Variants in LRRC7 observed in about 807,000 individuals in gnomAD.
LRRC7 encodes leucine rich repeat containing 7, also known as leucine-rich repeat-containing protein 7.
LRRC7 carries 23 observed loss-of-function variants against 175.7 expected under a neutral mutation model. The observed-to-expected ratio is 0.13, with a 90% CI of 0.09 to 0.19. LRRC7 has a LOEUF of 0.19. LRRC7 is among the 10% of genes least tolerant of loss of function. The pLI, the probability that LRRC7 is intolerant of heterozygous loss-of-function variation, is 1.00. For synonymous variants in LRRC7, 685 were observed against 680.9 expected (o/e 1.01, Z -0.09); for missense variants, 1,354 against 1,904.7 (o/e 0.71, Z 5.38).
At chr1:69,645,439 G>T (rs939096145) in intron 1 of LRRC7, among the ~76,000 whole-genome samples, 13 of 151,958 alleles carry the variant, frequency 8.6e-5, no homozygotes, top group African/African-American at 3.1e-4. Flanking sequence ...TTCATTTTGT[G>T]TGTTCTTTAT....
chr1:69,911,678 A>G (rs867238881), intron 7 of LRRC7, among the ~76,000 whole-genome samples: 1 of 152,186 alleles, frequency 6.6e-6, no homozygotes, highest in Non-Finnish European at 1.5e-5. Context: ...TGATGACTAT[A>G]TGACATTTCT....
Position 69,767,385 on chromosome 1 carries a change from T to A in LRRC7, c.303+6992T>A, listed in dbSNP as rs563402981. ...AATCCATCAGTTTGGAGCTTTATAG[T>A]CTTTCGTATACATAAAGTTGAACTC... On this transcript the variant is annotated intron_variant, in intron 3 of 26. Transcript: ENST00000651989. Among the ~76,000 whole-genome samples the A allele has an allele frequency of 2.1e-4, 32 of 152,328 alleles. No individual in the cohort carries two copies. The South Asian group carries it at 6.6e-3, about 32-fold the overall frequency.
At chr1:70,088,836 T>C (rs1663805009) in intron 24 of LRRC7, among the ~76,000 whole-genome samples, 1 of 152,122 alleles carries the variant, frequency 6.6e-6, no homozygotes, top group Non-Finnish European at 1.5e-5. Flanking sequence ...TAACTTCTAT[T>C]ATTGCTATAA....
chr1:70,025,297 T>C (rs1022874713), intron 17 of LRRC7, among the ~76,000 whole-genome samples: 1 of 150,840 alleles, frequency 6.6e-6, no homozygotes, highest in African/African-American at 2.4e-5. Flanking sequence ...ACCTATAGAA[T>C]TAATAATAAT....
chr1:69,890,078 G>A (rs10889858), intron 7 of LRRC7, among the ~76,000 whole-genome samples: 22,141 of 152,096 alleles, frequency 0.15, 2,375 homozygotes, highest in African/African-American at 0.31. Context: ...TGTTAATGTT[G>A]ATAGTTTGAT....
intron 2 of LRRC7, among the ~76,000 whole-genome samples, chr1:69,745,408 T>G (rs745381724): frequency 6.6e-6 from 1 of 151,942 alleles, no homozygotes; most frequent in Non-Finnish European, 1.5e-5. Context: ...GTAAAAATAA[T>G]TAAGCAATTT....
chr1:69,715,546 A>G (rs924356429), intron 2 of LRRC7, among the ~76,000 whole-genome samples: 1 of 152,036 alleles, frequency 6.6e-6, no homozygotes, highest in Admixed American at 6.6e-5. Context: ...TTTTGGGCTC[A>G]ATTATTTTAG....
intron 2 of LRRC7, among the ~76,000 whole-genome samples, chr1:69,703,006 G>A (rs749122390): frequency 6.6e-6 from 1 of 152,016 alleles, no homozygotes; most frequent in Non-Finnish European, 1.5e-5. Context: ...AAGTTCAGCA[G>A]GTGACTTGTT....
At chr1:69,692,947 T>C (rs563387849) in intron 2 of LRRC7, among the ~76,000 whole-genome samples, 1 of 152,252 alleles carries the variant, frequency 6.6e-6, no homozygotes, top group Non-Finnish European at 1.5e-5. Context: ...AGGACGTGAA[T>C]AGAACAAAAG....
chr1:69,905,261 A>ATTG (rs1646262641), intron 7 of LRRC7, among the ~76,000 whole-genome samples: 2 of 151,260 alleles, frequency 1.3e-5, no homozygotes, highest in Admixed American at 1.3e-4. Context: ...TTTTATTATT[A>ATTG]TTATTATTAT....
intron 8 of LRRC7, among the ~76,000 whole-genome samples, chr1:69,950,366 G>A (rs1261319871): frequency 1.3e-5 from 2 of 152,068 alleles, no homozygotes; most frequent in African/African-American, 2.4e-5. Context: ...CATGAGGAGT[G>A]ATGACAGAAG....
intron 1 of LRRC7, among the ~76,000 whole-genome samples, chr1:69,580,022 C>A (rs1186818020): frequency 6.6e-6 from 1 of 152,104 alleles, no homozygotes; most frequent in Non-Finnish European, 1.5e-5. Flanking sequence ...GAGCCTCCAT[C>A]GTCCTGGTCC....
chr1:69,896,363 C>T (rs1379727007), intron 7 of LRRC7, among the ~76,000 whole-genome samples: 1 of 152,056 alleles, frequency 6.6e-6, no homozygotes, highest in African/African-American at 2.4e-5. Flanking sequence ...AAATTATACT[C>T]ATCCTCCTGA....
At chr1:69,703,846 C>T (rs1038926587) in intron 2 of LRRC7, among the ~76,000 whole-genome samples, 1 of 151,900 alleles carries the variant, frequency 6.6e-6, no homozygotes. Flanking sequence ...GTAGATAGTG[C>T]AGATAATAAT....
intron 11 of LRRC7, among the ~76,000 whole-genome samples, chr1:70,002,175 G>T (rs1039561882): frequency 1.3e-5 from 2 of 152,096 alleles, no homozygotes; most frequent in Non-Finnish European, 2.9e-5. Context: ...AATCTGAAAG[G>T]TTGTTTTTAA....
intron 2 of LRRC7, among the ~76,000 whole-genome samples, chr1:69,679,868 A>G (rs773514909): frequency 1.1e-4 from 16 of 152,144 alleles, no homozygotes; most frequent in East Asian, 3.9e-4. Flanking sequence ...GGGTTGGCCA[A>G]TTATGGTTTG....
intron 1 of LRRC7, among the ~76,000 whole-genome samples, chr1:69,635,864 A>T (rs1052574511): frequency 6.6e-6 from 1 of 152,038 alleles, no homozygotes; most frequent in Non-Finnish European, 1.5e-5. Context: ...TATTAATGGC[A>T]TGAATCATAG....
chr1:69,990,485 C>G (rs1408139321), intron 10 of LRRC7, among the ~76,000 whole-genome samples: 1 of 151,848 alleles, frequency 6.6e-6, no homozygotes. Flanking sequence ...GTTGTTATAT[C>G]TAAATAATTA....
intron 4 of LRRC7, among the ~76,000 whole-genome samples, chr1:69,820,490 G>A (rs1679153476): frequency 6.6e-6 from 1 of 151,990 alleles, no homozygotes; most frequent in Admixed American, 6.6e-5. Flanking sequence ...TCTACATTAG[G>A]TATTTCTCCT....
Sources: gnomAD v4.1 joint callset for allele counts (sites outside exome capture counted in the v4.1 genomes callset) on GRCh38, gnomAD v4.1.1 for gene constraint, MANE v1.5 for transcripts, NCBI Gene and HGNC (gene_info 2026-07-23, HGNC 2026-07-21) for gene names.